Variants in EBF2 observed in about 807,000 individuals in gnomAD.
EBF2 encodes transcription factor COE2.
Under a neutral mutation model 72.8 loss-of-function variants are expected in EBF2, and 21 were observed. The observed-to-expected ratio is 0.29, with a 90% confidence interval of 0.20 to 0.42. The LOEUF (loss-of-function observed/expected upper bound fraction) is 0.42, where lower values mean the gene tolerates loss of function less well. EBF2 is among the 10% of genes least tolerant of loss of function. The probability of loss-of-function intolerance (pLI) is 1.00; values close to 1 mark genes in which losing one functional copy is unlikely to be tolerated. For synonymous variants in EBF2, 299 were observed against 274.2 expected (o/e 1.09, Z -0.89); for missense variants, 637 against 731.2 (o/e 0.87, Z 1.49).
intron 6 of EBF2, among the ~76,000 whole-genome samples, chr8:25,933,233 A>C (rs546735686): frequency 2.0e-5 from 3 of 152,376 alleles, no homozygotes; most frequent in African/African-American, 7.2e-5. Context: ...AGTGGACAGG[A>C]AGGAAAGTAG....
intron 5 of EBF2, 81 bp from the exon 6 acceptor site, chr8:26,033,234 T>C (rs1161652201): frequency 6.4e-6 from 9 of 1,407,356 alleles, no homozygotes; most frequent in South Asian, 1.2e-5. Context: ...AGAACATTTT[T>C]TCCCCCCAGA....
chr8:26,024,784 T>C (rs1386751041), intron 6 of EBF2, among the ~76,000 whole-genome samples: 3 of 152,232 alleles, frequency 2.0e-5, no homozygotes. Context: ...TGTTGTATCA[T>C]GCACTATGTG....
chr8:25,992,053 C>T (rs1196213876), intron 6 of EBF2, among the ~76,000 whole-genome samples: 1 of 151,764 alleles, frequency 6.6e-6, no homozygotes, highest in Non-Finnish European at 1.5e-5. Flanking sequence ...TGTTTTTAGA[C>T]AGAGTCTCAC....
intron 6 of EBF2, among the ~76,000 whole-genome samples, chr8:26,027,998 G>C (rs557115405): frequency 6.6e-6 from 1 of 152,168 alleles, no homozygotes; most frequent in Non-Finnish European, 1.5e-5. Flanking sequence ...AGTGGGTACA[G>C]AGTTTTAGTT....
chr8:25,885,706 T>A (rs962655108), intron 10 of EBF2, among the ~76,000 whole-genome samples: 3 of 152,174 alleles, frequency 2.0e-5, no homozygotes, highest in Non-Finnish European at 4.4e-5. Flanking sequence ...CCCCTTCACT[T>A]GGTTCTCATT....
intron 3 of EBF2, 131 bp from the exon 4 acceptor site, chr8:26,040,802 C>A: frequency 6.8e-7 from 1 of 1,473,910 alleles, no homozygotes; most frequent in Non-Finnish European, 9.3e-7. Flanking sequence ...GGTGACCTCC[C>A]AATCCCCTGT....
intron 6 of EBF2, among the ~76,000 whole-genome samples, chr8:26,005,245 ACATTT>A (rs1319445088): frequency 6.5e-5 from 5 of 77,340 alleles, no homozygotes; most frequent in Admixed American, 2.4e-4. Flanking sequence ...TGATATATAT[ACATTT>A]TATTATATAT....
At chr8:26,030,336 G>A (rs909422302) in intron 6 of EBF2, among the ~76,000 whole-genome samples, 4 of 149,946 alleles carry the variant, frequency 2.7e-5, no homozygotes, top group African/African-American at 9.8e-5. Context: ...AGTTTGCTGA[G>A]AATGATGGTT....
chr8:26,014,859 A>T (rs979492807), intron 6 of EBF2, among the ~76,000 whole-genome samples: 1 of 152,214 alleles, frequency 6.6e-6, no homozygotes, highest in African/African-American at 2.4e-5. Context: ...CTAATCAACC[A>T]TTTGCCCTTA....
chr8:25,859,303 T>C (rs1295883579), intron 13 of EBF2, among the ~76,000 whole-genome samples: 1 of 152,216 alleles, frequency 6.6e-6, no homozygotes, highest in East Asian at 1.9e-4. Context: ...TAGCATCTTT[T>C]GGCGGGGCCT....
intron 6 of EBF2, among the ~76,000 whole-genome samples, chr8:26,016,674 C>A (rs954225857): frequency 2.0e-5 from 3 of 151,930 alleles, no homozygotes; most frequent in Admixed American, 6.6e-5. Context: ...AAATGTTGCT[C>A]CAGTAGAGAG....
At chr8:26,028,177 T>C (rs932301955) in intron 6 of EBF2, among the ~76,000 whole-genome samples, 2 of 152,328 alleles carry the variant, frequency 1.3e-5, no homozygotes, top group South Asian at 4.1e-4. Context: ...AGGAGAACCC[T>C]TCATGGGCAA....
At chr8:26,002,709 T>A (rs948214724) in intron 6 of EBF2, among the ~76,000 whole-genome samples, 2 of 152,082 alleles carry the variant, frequency 1.3e-5, no homozygotes, top group Non-Finnish European at 2.9e-5. Context: ...AAATAAATAA[T>A]GAGGGTAGTA....
chr8:25,946,770 T>G (rs1803775289), intron 6 of EBF2, among the ~76,000 whole-genome samples: 1 of 152,238 alleles, frequency 6.6e-6, no homozygotes, highest in Non-Finnish European at 1.5e-5. Context: ...CCCCTGCTGC[T>G]ACTGTCTTTG....
Position 26,038,301 on chromosome 8 carries a change from A to T in EBF2, c.482+1727T>A, listed in dbSNP as rs139528859. Among the ~76,000 whole-genome samples the T allele has an allele frequency of 2.4e-3, 364 of 152,332 alleles. 2 individuals are homozygous for T. The highest frequency in any genetic ancestry group is 8.5e-3 in the African/African-American group (352 of 41,576). On this transcript the variant is annotated intron_variant, in intron 5 of 15. Coordinates refer to ENST00000520164, the MANE Select transcript of EBF2 (RefSeq NM_022659.4). ...AGCAGAGCATCTTCCCAGGTCTCCA[A>T]TGCAGAGAAGTTACAGTACATTAAA... is the stretch of plus-strand genomic sequence containing the variant.
chr8:25,965,124 T>A (rs927130944), intron 6 of EBF2, among the ~76,000 whole-genome samples: 1 of 152,150 alleles, frequency 6.6e-6, no homozygotes, highest in African/African-American at 2.4e-5. Flanking sequence ...ATAGCAGATA[T>A]TAAATTGTTT....
intron 15 of EBF2, among the ~76,000 whole-genome samples, chr8:25,845,680 G>A (rs1801818706): frequency 6.6e-6 from 1 of 152,180 alleles, no homozygotes; most frequent in Non-Finnish European, 1.5e-5. Context: ...AGCACAATGT[G>A]GAAAAATCCC....
At chr8:25,871,080 C>A (rs1207006189) in intron 10 of EBF2, among the ~76,000 whole-genome samples, 1 of 152,160 alleles carries the variant, frequency 6.6e-6, no homozygotes, top group East Asian at 1.9e-4. Flanking sequence ...GGTTTGACAA[C>A]TCTTTGGTTC....
intron 6 of EBF2, among the ~76,000 whole-genome samples, chr8:25,911,344 G>T (rs943723315): frequency 6.6e-6 from 1 of 152,156 alleles, no homozygotes; most frequent in Non-Finnish European, 1.5e-5. Context: ...TGCTACACAC[G>T]ACAAAGCTTC....
Sources: allele counts gnomAD v4.1 joint callset (sites outside exome capture counted in the v4.1 genomes callset), GRCh38; gene constraint gnomAD v4.1.1; transcripts MANE v1.5; gene names NCBI Gene and HGNC (gene_info 2026-07-23, HGNC 2026-07-21).